Variants in MAML3 observed in about 807,000 individuals in gnomAD.
MAML3 encodes the protein mastermind like transcriptional coactivator 3, also known as mastermind-like protein 3.
MAML3 carries 27 observed loss-of-function variants against 101.9 expected under a neutral mutation model. The observed-to-expected ratio is 0.27, with a 90% confidence interval of 0.20 to 0.37. MAML3 has a LOEUF of 0.37. Ranked by LOEUF, MAML3 falls within the 10% of genes least tolerant of loss-of-function variation. MAML3 has a pLI of 1.00. For missense variants in MAML3, 1,316 were observed against 1,444.9 expected (o/e 0.91, Z 1.45); for synonymous variants, 501 against 555.9 (o/e 0.90, Z 1.39).
At chr4:139,948,304 C>T (rs1322437054) in intron 1 of MAML3, among the ~76,000 whole-genome samples, 1 of 152,128 alleles carries the variant, frequency 6.6e-6, no homozygotes, top group Non-Finnish European at 1.5e-5. Flanking sequence ...CTGTTAAGAA[C>T]AGTTGATGGG....
chr4:139,936,597 C>T (rs1403951351), intron 1 of MAML3, among the ~76,000 whole-genome samples: 6 of 151,908 alleles, frequency 3.9e-5, no homozygotes, highest in Admixed American at 6.6e-5. Flanking sequence ...CTTGGAAGGC[C>T]GAGGCAGGAG....
At chr4:139,743,717 GA>G (rs1448990405) in intron 2 of MAML3, among the ~76,000 whole-genome samples, 1 of 152,136 alleles carries the variant, frequency 6.6e-6, no homozygotes, top group Non-Finnish European at 1.5e-5. Flanking sequence ...GTTCTCAGGG[GA>G]TAATTTGTAC....
At chr4:139,826,893 T>A (rs1474311162) in intron 2 of MAML3, among the ~76,000 whole-genome samples, 1 of 151,360 alleles carries the variant, frequency 6.6e-6, no homozygotes, top group African/African-American at 2.4e-5. Context: ...GCCACTCTCA[T>A]ACAAGATAGG....
intron 1 of MAML3, among the ~76,000 whole-genome samples, chr4:139,959,221 T>C (rs1209409502): frequency 6.6e-6 from 1 of 152,086 alleles, no homozygotes; most frequent in Non-Finnish European, 1.5e-5. Context: ...GTAAGTGGGG[T>C]AAAATCTCAG....
rs558040578 is a variant in MAML3 at position 139,778,931 on chromosome 4, C to T, written c.2080-48264G>A. On this transcript the variant is annotated intron_variant, in intron 2 of 4. Coordinates refer to ENST00000509479, the MANE Select transcript of MAML3 (RefSeq NM_018717.5). ...CCAGGAGGTGGAGGTTGCAGTGAGC[C>T]GAGATGGCGCCACTGCATTCCAGCC... 6.1e-5 allele frequency among the ~76,000 whole-genome samples: 9 copies of T among 148,202 alleles called. No individual in the cohort carries two copies. In the East Asian group the frequency reaches 8.0e-4, roughly 13 times the overall value.
chr4:140,005,994 A>G (rs1001305224), intron 1 of MAML3, among the ~76,000 whole-genome samples: 5 of 152,220 alleles, frequency 3.3e-5, no homozygotes, highest in Non-Finnish European at 5.9e-5. Context: ...TTAAAGCACC[A>G]GGTGGATAAA....
chr4:140,072,934 G>A (rs986961004), intron 1 of MAML3, among the ~76,000 whole-genome samples: 3 of 152,014 alleles, frequency 2.0e-5, no homozygotes, highest in Non-Finnish European at 4.4e-5. Flanking sequence ...AGAAACAGGG[G>A]GTCCTATGTG....
intron 2 of MAML3, among the ~76,000 whole-genome samples, chr4:139,834,123 G>A (rs1044927305): frequency 6.6e-6 from 1 of 152,174 alleles, no homozygotes; most frequent in Non-Finnish European, 1.5e-5. Context: ...AATAGAGAAC[G>A]CTGCCATTTT....
At chr4:139,839,603 A>G (rs1731325861) in intron 2 of MAML3, among the ~76,000 whole-genome samples, 1 of 152,042 alleles carries the variant, frequency 6.6e-6, no homozygotes, top group South Asian at 2.1e-4. Flanking sequence ...CCCACCCTAC[A>G]TTGTTTGTTG....
At chr4:139,860,087 A>C (rs900027915) in intron 2 of MAML3, among the ~76,000 whole-genome samples, 3 of 152,210 alleles carry the variant, frequency 2.0e-5, no homozygotes, top group African/African-American at 7.2e-5. Flanking sequence ...TCTAAATGTT[A>C]TCAGGAGGAT....
chr4:140,126,181 A>G (rs1728683140), intron 1 of MAML3, among the ~76,000 whole-genome samples: 1 of 151,458 alleles, frequency 6.6e-6, no homozygotes, highest in African/African-American at 2.4e-5. Context: ...GTTTAAAAAA[A>G]AAAAAAAAAA....
At chr4:140,051,534 G>A (rs1232398568) in intron 1 of MAML3, among the ~76,000 whole-genome samples, 1 of 151,094 alleles carries the variant, frequency 6.6e-6, no homozygotes, top group East Asian at 1.9e-4. Context: ...TCCAGCCTGA[G>A]TGACAGAGAT....
chr4:139,838,359 T>G (rs1731298080), intron 2 of MAML3, among the ~76,000 whole-genome samples: 1 of 152,200 alleles, frequency 6.6e-6, no homozygotes, highest in Non-Finnish European at 1.5e-5. Context: ...TATTGCCCTA[T>G]CTTACAGATG....
intron 1 of MAML3, among the ~76,000 whole-genome samples, chr4:139,919,458 CTT>C (rs1283283410): frequency 6.6e-6 from 1 of 152,130 alleles, no homozygotes; most frequent in African/African-American, 2.4e-5. Flanking sequence ...GATGTCATAA[CTT>C]TTTTATGTAG....
intron 2 of MAML3, among the ~76,000 whole-genome samples, chr4:139,874,847 AGGCTGGAGTGCAGT>A: frequency 7.8e-6 from 1 of 127,968 alleles, no homozygotes; most frequent in Non-Finnish European, 1.6e-5. Flanking sequence ...CCTGTCGCCC[AGGCTGGAGTGCAGT>A]GGCGCGATCT....
chr4:140,122,803 A>G (rs906163319), intron 1 of MAML3, among the ~76,000 whole-genome samples: 2 of 151,812 alleles, frequency 1.3e-5, no homozygotes, highest in African/African-American at 4.9e-5. Context: ...AAAAAAAAAA[A>G]AAAAAAAACC....
chr4:139,749,699 C>T (rs1037699595), intron 2 of MAML3, among the ~76,000 whole-genome samples: 1 of 152,168 alleles, frequency 6.6e-6, no homozygotes, highest in African/African-American at 2.4e-5. Context: ...ATTCACAGAC[C>T]CGCGGTGGCA....
At chr4:139,883,735 C>CAGTA (rs1732266877) in intron 2 of MAML3, among the ~76,000 whole-genome samples, 1 of 151,960 alleles carries the variant, frequency 6.6e-6, no homozygotes, top group Non-Finnish European at 1.5e-5. Flanking sequence ...AGGCAGGAGA[C>CAGTA]TACTGTTTCT....
At chr4:139,745,070 C>T (rs1729277303) in intron 2 of MAML3, among the ~76,000 whole-genome samples, 1 of 152,320 alleles carries the variant, frequency 6.6e-6, no homozygotes, top group African/African-American at 2.4e-5. Flanking sequence ...GAAAGAGCTT[C>T]ATGGATTAGC....
Sources: allele counts gnomAD v4.1 joint callset (sites outside exome capture counted in the v4.1 genomes callset), GRCh38; gene constraint gnomAD v4.1.1; transcripts MANE v1.5; gene names NCBI Gene and HGNC (gene_info 2026-07-23, HGNC 2026-07-21).